Variants in TNKS1BP1 observed in about 807,000 individuals in gnomAD.
The protein encoded by TNKS1BP1 is CCR4-NOT transcription complex subunit 12.
A neutral mutation model predicts 141.1 loss-of-function variants in TNKS1BP1; 48 were observed. The observed-to-expected ratio is 0.34, with a 90% CI of 0.27 to 0.43. TNKS1BP1 has a LOEUF of 0.43. Among genes scored for constraint, TNKS1BP1 ranks in the 20% least tolerant of loss-of-function variants. The pLI is 1.00. For missense variants in TNKS1BP1, 2,149 were observed against 2,226.0 expected (o/e 0.97, Z 0.70); for synonymous variants, 875 against 898.2 (o/e 0.97, Z 0.46).
chr11:57,311,474 C>G (rs1855710772), intron 5 of TNKS1BP1: 1 of 985,668 alleles, frequency 1.0e-6, no homozygotes, highest in African/African-American at 1.7e-5. Flanking sequence ...CTGGCGCTGG[C>G]TCTCCCTCAC....
chr11:57,320,436 T>A lies in TNKS1BP1; in HGVS notation c.371A>T (p.Lys124Ile). The change falls in exon 3 of 12, where the codon AAA becomes ATA. Residue 124 changes from lysine (K) to isoleucine (I), a missense_variant. Coordinates refer to ENST00000358252, the MANE Select transcript of TNKS1BP1 (RefSeq NM_033396.3). The part of the protein sequence containing the change: ...TQETGKEEAG[K>I]EEPPPLTPPA... ...GGGTGTCAAAGGGGGTGGCTCCTCT[T>A]TCCCAGCCTCCTCTTTCCCAGTCTC... is the stretch of plus-strand genomic sequence containing the variant. 1 of 1,608,592 alleles carries A rather than the reference T, an allele frequency of 6.2e-7. No individual in the cohort carries two copies. Among genetic ancestry groups the A allele is most frequent in the South Asian group, 1.1e-5 (1 of 90,828 alleles).
chr11:57,308,935 T>C lies in TNKS1BP1; in HGVS notation c.3776A>G (p.Asp1259Gly). The change falls in exon 6 of 12, where the codon GAC becomes GGC. Residue 1259 changes from aspartate to glycine, a missense_variant. Physicochemically the swap from Asp to Gly is moderately conservative, Grantham distance 94. Transcript: ENST00000358252. ...CTCTCCGGCCTCCACACCTGACCAG[T>C]CAGTCTGCCCCACGCCACTCTCTCT... The part of the protein sequence containing the change: ...QARESGVGQT[D>G]WSGVEAGEFL... 1 of 1,614,032 alleles carries C rather than the reference T, an allele frequency of 6.2e-7. No homozygotes were observed. The highest frequency in any genetic ancestry group is 1.1e-5 in the South Asian group (1 of 91,068).
intron 6 of TNKS1BP1, chr11:57,303,104 A>T (rs1029043242): frequency 1.8e-5 from 7 of 398,284 alleles, no homozygotes; most frequent in Non-Finnish European, 2.2e-5. Context: ...CGCTGCAAGG[A>T]TGAAAGAAAA....
chr11:57,310,669 C>G (rs1267979740), intron 5 of TNKS1BP1, 113 bp from the exon 6 acceptor site: 14 of 1,398,046 alleles, frequency 1.0e-5, no homozygotes, highest in East Asian at 2.3e-5. Flanking sequence ...ACTTTGGCAA[C>G]AGAAAGCTGT....
intron 1 of TNKS1BP1, among the ~76,000 whole-genome samples, chr11:57,324,455 G>A (rs1855933134): frequency 6.6e-6 from 1 of 151,650 alleles, no homozygotes; most frequent in South Asian, 2.1e-4. Flanking sequence ...TCAGGTGGGG[G>A]CGGACTGGGG....
intron 1 of TNKS1BP1, chr11:57,322,374 G>A (rs966449056): frequency 2.5e-5 from 24 of 960,686 alleles, no homozygotes; most frequent in Non-Finnish European, 2.5e-6. Flanking sequence ...TCCCCAACCT[G>A]GGCTCCGCCC....
At chr11:57,318,949 C>A (rs1012648204) in intron 3 of TNKS1BP1, among the ~76,000 whole-genome samples, 1 of 152,046 alleles carries the variant, frequency 6.6e-6, no homozygotes, top group Non-Finnish European at 1.5e-5. Context: ...TCGAGACCAT[C>A]CTGGCTAACA....
At chr11:57,313,931 A>T in intron 4 of TNKS1BP1, 42 bp from the exon 5 acceptor site, 1 of 1,448,396 alleles carries the variant, frequency 6.9e-7, no homozygotes, top group Non-Finnish European at 9.1e-7. Context: ...CTCACCTCTC[A>T]GCGGGGCGGG....
At position 57,302,809 on chromosome 11, in the gene TNKS1BP1, C is replaced by A. The variant is rs1206846441; in HGVS notation, c.4333G>T (p.Ala1445Ser). 1 of 1,537,274 alleles carries A rather than the reference C, an allele frequency of 6.5e-7. No individual in the cohort carries two copies. ...TGGGAGCCGGAGGGTGGGGGGCGGG[C>A]CGGGCACCTGCCAGGGCTGTAAAGG... Reference protein sequence around the residue: ...SFGASPGRCPARPPPSGSQGL... With the variant: ...SFGASPGRCPSRPPPSGSQGL... Residue 1445 changes from alanine (A) to serine (S), a missense_variant, in exon 7 of 12, where the codon GCC (alanine) becomes TCC (serine). Ala to Ser is a moderately conservative substitution (Grantham distance 99, BLOSUM62 1). Transcript: ENST00000358252. This position sits in a 1 kb window ranked among gnomAD's most constrained non-coding sequence, Gnocchi z 5.5.
intron 6 of TNKS1BP1, among the ~76,000 whole-genome samples, chr11:57,307,102 C>T (rs920133017): frequency 3.9e-5 from 6 of 152,068 alleles, no homozygotes; most frequent in Admixed American, 2.6e-4. Flanking sequence ...TGAGGTAAGA[C>T]GTGTGGTTAA....
Position 57,312,887 on chromosome 11 carries a change from ACTCCTGTCCAGCCAAGGG to A in TNKS1BP1, c.1783_1800del (p.Pro595_Glu600del), listed in dbSNP as rs772772199. The A allele has an allele frequency of 3.7e-5, 59 of 1,606,184 alleles. 1 individual carries two copies. On this transcript the variant is annotated inframe_deletion, in exon 5 of 12. Coordinates refer to ENST00000358252, the MANE Select transcript of TNKS1BP1 (RefSeq NM_033396.3). ...TCCCTGGTAGCCAGGGGGAGAGGGG[ACTCCTGTCCAGCCAAGGG>A]CTCCTGCGACTCGTATCTCTCCTCT...
Position 57,321,956 on chromosome 11 carries a change from AAAAG to A in TNKS1BP1, c.-65-10_-65-7del. On this transcript the variant is annotated splice_region_variant and splice_polypyrimidine_tract_variant and intron_variant, in intron 1 of 11. Transcript: ENST00000358252. ...GAGCTGGGGTGGCTGCAGACCTAGGAAAAGAGAGAGAAGAGAAGGAAAAAAAGAG... is the reference window on the plus strand; with the variant it reads ...GAGCTGGGGTGGCTGCAGACCTAGGAAGAGAGAAGAGAAGGAAAAAAAGAG... 6.3e-7 allele frequency: 1 copy of A among 1,581,880 alleles called. No homozygotes were observed. The highest frequency in any genetic ancestry group is 1.2e-5 in the South Asian group (1 of 86,730).
intron 4 of TNKS1BP1, among the ~76,000 whole-genome samples, chr11:57,314,700 G>A (rs1287241331): frequency 1.3e-5 from 2 of 152,216 alleles, no homozygotes; most frequent in East Asian, 3.9e-4. Context: ...AGAGAAGAGG[G>A]GGACAAACAA....
chr11:57,313,859 C>T lies in TNKS1BP1; in HGVS notation c.829G>A (p.Ala277Thr). The change falls in exon 5 of 12, where the codon GCC becomes ACC. Residue 277 changes from alanine (A) to threonine (T), a missense_variant. Transcript: ENST00000358252. ...ISKPWIPSSP[A>T]PSSENGGPAS... ...GGGCCTCCATTCTCTGAGGAGGGGG[C>T]TGGACTTGAGGGAATCCAGGGCTTG... is the stretch of plus-strand genomic sequence containing the variant. 1 of 1,515,668 alleles carries T rather than the reference C, an allele frequency of 6.6e-7. No homozygotes were observed. The highest frequency in any genetic ancestry group is 8.8e-7 in the Non-Finnish European group (1 of 1,136,236). The allele number at this position is 1,515,668 out of a possible 1,614,324, so 93.9% of individuals were successfully genotyped here. A position where few individuals can be genotyped will look rare whatever the true frequency, so the allele number is the denominator to read the frequency against.
rs1489761775 is a variant in TNKS1BP1 at position 57,310,412 on chromosome 11, G to A, written c.2299C>T (p.Pro767Ser). Residue 767 changes from proline to serine, a missense_variant, in exon 6 of 12, where the codon CCA becomes TCA. Transcript: ENST00000358252. ...GLGGASPRGD[P>S]GLGERDWTSK... is the part of the protein sequence containing the mutation. ...GTCCAGTCCCTCTCTCCGAGACCTG[G>A]GTCTCCTCTAGGGCTTGCACCCCCA... is the stretch of plus-strand genomic sequence containing the variant. The A allele has an allele frequency of 6.2e-7, 1 of 1,613,914 alleles. No homozygotes were observed. The highest frequency in any genetic ancestry group is 1.1e-5 in the South Asian group (1 of 91,068).
chr11:57,300,222 G>A (rs1010404908), intron 11 of TNKS1BP1, 141 bp from the exon 12 acceptor site: 7 of 339,122 alleles, frequency 2.1e-5, no homozygotes, highest in African/African-American at 1.1e-4. Flanking sequence ...CAGACCAGAA[G>A]GGCTGGCTGA....
At chr11:57,321,093 C>A (rs918894314) in intron 2 of TNKS1BP1, among the ~76,000 whole-genome samples, 21 of 152,014 alleles carry the variant, frequency 1.4e-4, no homozygotes, top group African/African-American at 2.9e-4. Context: ...AGCAGTCAGC[C>A]CCCCCATATT....
In TNKS1BP1 at chr11:57,308,761, A is replaced by C. The variant is rs1248862726; in HGVS notation, c.3950T>G (p.Leu1317Arg). Residue 1317 changes from leucine (L) to arginine (R), a missense_variant, in exon 6 of 12, where the codon CTG becomes CGG. Coordinates refer to ENST00000358252, the MANE Select transcript of TNKS1BP1 (RefSeq NM_033396.3). ...GQMDWGNNLG[L>R]RDLEVTCDPD... Reference sequence around the variant, plus strand: ...GTCACAGGTCACCTCCAAATCCCTCAGGCCCAGATTGTTACCCCAGTCCAT... The same window carrying C: ...GTCACAGGTCACCTCCAAATCCCTCCGGCCCAGATTGTTACCCCAGTCCAT... 6.2e-7 allele frequency: 1 copy of C among 1,613,984 alleles called. No individual in the cohort carries two copies. The highest frequency in any genetic ancestry group is 8.5e-7 in the Non-Finnish European group (1 of 1,179,982).
rs148991284 is a variant in TNKS1BP1, at chr11:57,308,664, C to G, written c.4047G>C (p.Ala1349=). The part of the protein sequence containing the change: ...VGQMDWTQDL[A]PQNVELFGAP... The stretch of plus-strand genomic sequence containing the variant: ...CCCCAAAGAGCTCCACATTCTGGGG[C>G]GCCAAGTCCTGGGTCCAGTCCATCT... Residue 1349 remains alanine, a synonymous_variant, in exon 6 of 12, where the codon GCG becomes GCC. Coordinates refer to ENST00000358252, the MANE Select transcript of TNKS1BP1 (RefSeq NM_033396.3). 3 of 1,612,976 alleles carry G rather than the reference C, an allele frequency of 1.9e-6. No homozygotes were observed. The highest frequency in any genetic ancestry group is 8.5e-7 in the Non-Finnish European group (1 of 1,180,002).
Sources: allele counts gnomAD v4.1 joint callset (sites outside exome capture counted in the v4.1 genomes callset), GRCh38; gene constraint gnomAD v4.1.1; non-coding constraint Gnocchi (gnomAD v3.1); transcripts MANE v1.5; gene names NCBI Gene and HGNC (gene_info 2026-07-23, HGNC 2026-07-21).